The following MYRIP variants were observed in gnomAD, a reference collection of about 807,000 sequenced individuals.
The protein encoded by MYRIP is myosin VIIA and Rab interacting protein, also known as rab effector MyRIP.
MYRIP carries 49 observed loss-of-function variants against 98.0 expected under a neutral mutation model. That is an observed-to-expected ratio of 0.50 (90% confidence interval 0.40 to 0.63). The LOEUF (loss-of-function observed/expected upper bound fraction) is 0.63. Among genes scored for constraint, MYRIP ranks in the 30% least tolerant of loss-of-function variants. MYRIP has a pLI of 0.00. For missense variants in MYRIP, 1,004 were observed against 1,058.2 expected, an observed-to-expected ratio of 0.95 and a Z score of 0.71; for synonymous variants, 404 against 409.5, an observed-to-expected ratio of 0.99 and a Z score of 0.16.
At chr3:40,081,892 T>C (rs1451354194) in intron 3 of MYRIP, among the ~76,000 whole-genome samples, 1 of 152,226 alleles carries the variant, frequency 6.6e-6, no homozygotes, top group African/African-American at 2.4e-5. Flanking sequence ...TCTACTGTTT[T>C]ATATTCCACG....
chr3:40,193,859 C>T (rs1281264646), intron 10 of MYRIP, among the ~76,000 whole-genome samples: 3 of 149,784 alleles, frequency 2.0e-5, no homozygotes, highest in Non-Finnish European at 4.4e-5. Flanking sequence ...TCATCCATCC[C>T]GCTAGCCTTG....
intron 1 of MYRIP, among the ~76,000 whole-genome samples, 195 bp downstream of exon 1, chr3:39,810,111 G>A (rs72866555): frequency 0.015 from 2,327 of 152,340 alleles, 74 homozygotes; most frequent in African/African-American, 0.051. Context: ...AGGGGCGCGG[G>A]TACTTGAACT....
chr3:40,017,690 C>CTTATT (rs1221160977), intron 2 of MYRIP, among the ~76,000 whole-genome samples: 1 of 136,922 alleles, frequency 7.3e-6, no homozygotes, highest in African/African-American at 2.8e-5. Context: ...AAATAATTTA[C>CTTATT]TTCTTTTTTT....
chr3:39,991,123 G>A (rs188554820), intron 2 of MYRIP, among the ~76,000 whole-genome samples: 4 of 152,268 alleles, frequency 2.6e-5, no homozygotes, highest in East Asian at 1.9e-4. Context: ...CATTCTGTAT[G>A]TGTAACCCAG....
intron 1 of MYRIP, among the ~76,000 whole-genome samples, chr3:39,862,413 A>G (rs1468550738): frequency 1.3e-5 from 2 of 152,152 alleles, no homozygotes; most frequent in African/African-American, 4.8e-5. Flanking sequence ...GTCACACTAT[A>G]AGCAACCATA....
At position 40,259,999 on chromosome 3, in the gene MYRIP, C is replaced by T. The variant is rs1259818547; in HGVS notation, c.*1833C>T. The T allele has an allele frequency of 6.6e-6, 1 of 152,630 alleles. No individual in the cohort carries two copies. Among genetic ancestry groups the T allele is most frequent in the East Asian group, 1.9e-4 (1 of 5,202 alleles). 9.5% of individuals were successfully genotyped at this position (152,630 alleles called of 1,614,324 possible). On this transcript the variant is annotated 3_prime_UTR_variant, in exon 17 of 17. Transcript: ENST00000302541. Reference sequence around the variant, plus strand: ...ACAAAAAAGAAGCAGCAGCAGCAGCCTGCTGTGTGGCATCTGAACTTTTAT... The same window carrying T: ...ACAAAAAAGAAGCAGCAGCAGCAGCTTGCTGTGTGGCATCTGAACTTTTAT...
At chr3:40,177,109 G>A (rs1425491403) in intron 8 of MYRIP, among the ~76,000 whole-genome samples, 4 of 151,348 alleles carry the variant, frequency 2.6e-5, no homozygotes, top group East Asian at 1.9e-4. Context: ...ACACATGGAC[G>A]CTGGCCAGAA....
intron 2 of MYRIP, among the ~76,000 whole-genome samples, chr3:39,961,024 C>T (rs1945312082): frequency 1.3e-5 from 2 of 152,138 alleles, no homozygotes; most frequent in Admixed American, 1.3e-4. Context: ...ACAGCAGTTT[C>T]CTCTTCTCAT....
Position 40,170,059 on chromosome 3 carries a change from C to T in MYRIP, c.839C>T (p.Ser280Phe), listed in dbSNP as rs769100225. Residue 280 changes from serine to phenylalanine, a missense_variant, in exon 8 of 17, where the codon TCC (serine) becomes TTC (phenylalanine). Ser to Phe is a radical substitution (Grantham distance 155). This residue lies in a region of MYRIP where 880 missense variants were observed against 907.7 expected (regional missense o/e 0.97). Transcript: ENST00000302541. The part of the protein sequence containing the change: ...TKVADEGTSA[S>F]PGGYRAPAAL... The stretch of plus-strand genomic sequence containing the variant: ...GTGGCAGATGAGGGGACCTCAGCAT[C>T]CCCTGGAGGCTACCGTGCTCCCGCT... 1 of 1,614,222 alleles carries T rather than the reference C, an allele frequency of 6.2e-7. No homozygotes were observed.
intron 2 of MYRIP, among the ~76,000 whole-genome samples, chr3:39,996,901 A>G (rs1051642012): frequency 1.1e-4 from 17 of 152,220 alleles, no homozygotes; most frequent in African/African-American, 3.4e-4. Context: ...GCTCAACTAC[A>G]TGGAAACTGA....
intron 2 of MYRIP, among the ~76,000 whole-genome samples, chr3:40,023,750 T>C (rs1947057700): frequency 6.6e-6 from 1 of 152,178 alleles, no homozygotes; most frequent in African/African-American, 2.4e-5. Context: ...CAGAGGAGAC[T>C]ATGGAAATGG....
chr3:40,112,476 C>G (rs1949179190), intron 3 of MYRIP, among the ~76,000 whole-genome samples: 1 of 152,164 alleles, frequency 6.6e-6, no homozygotes, highest in Non-Finnish European at 1.5e-5. Context: ...TAGAAGTAAG[C>G]TAGGAATGGG....
chr3:39,971,079 G>C (rs1945568434), intron 2 of MYRIP, among the ~76,000 whole-genome samples: 1 of 152,020 alleles, frequency 6.6e-6, no homozygotes, highest in South Asian at 2.1e-4. Context: ...AATTTTTAGA[G>C]AAGTGACAAA....
chr3:39,872,038 C>G (rs2125631021), intron 1 of MYRIP, among the ~76,000 whole-genome samples: 1 of 151,968 alleles, frequency 6.6e-6, no homozygotes, highest in African/African-American at 2.4e-5. Context: ...CATAGTTGGG[C>G]CTGGAGTTTC....
At chr3:39,903,886 T>C (rs142490887) in intron 2 of MYRIP, among the ~76,000 whole-genome samples, 1 of 152,186 alleles carries the variant, frequency 6.6e-6, no homozygotes, top group Non-Finnish European at 1.5e-5. Context: ...TTAAAATAAT[T>C]CCTTAGTATC....
chr3:40,145,382 T>G (rs2125566578), intron 3 of MYRIP, among the ~76,000 whole-genome samples: 1 of 152,348 alleles, frequency 6.6e-6, no homozygotes. Flanking sequence ...TTCGGTATAT[T>G]GTGTTTGATA....
chr3:39,995,524 T>TA (rs1272457769), intron 2 of MYRIP, among the ~76,000 whole-genome samples: 3 of 152,012 alleles, frequency 2.0e-5, no homozygotes, highest in Non-Finnish European at 4.4e-5. Flanking sequence ...CTCCAAGAAA[T>TA]ATGGGACTAT....
At chr3:39,938,749 C>T (rs769558011) in intron 2 of MYRIP, among the ~76,000 whole-genome samples, 10 of 152,170 alleles carry the variant, frequency 6.6e-5, no homozygotes, top group Non-Finnish European at 1.2e-4. Flanking sequence ...AAGAGATCCT[C>T]CTGCCTCAAA....
At chr3:40,208,948 T>C (rs1171054584) in intron 10 of MYRIP, 5 of 152,260 alleles carry the variant, frequency 3.3e-5, no homozygotes, top group Non-Finnish European at 1.5e-5. Context: ...GAATGAGTTC[T>C]TATGTTAGAT....
Sources: allele counts gnomAD v4.1 joint callset (sites outside exome capture counted in the v4.1 genomes callset), GRCh38; gene constraint gnomAD v4.1.1; regional missense constraint gnomAD v4.1.1; transcripts MANE v1.5; gene names NCBI Gene and HGNC (gene_info 2026-07-23, HGNC 2026-07-21).